Variants in PFKFB3 observed in about 807,000 individuals in gnomAD.
PFKFB3 encodes 6-phosphofructo-2-kinase/fructose-2,6-bisphosphatase 3.
In PFKFB3, 33 loss-of-function variants were observed where a neutral mutation model predicts 68.0. That is an observed-to-expected ratio of 0.49 (90% CI 0.37 to 0.65). PFKFB3 has a LOEUF of 0.65. PFKFB3 is among the 30% of genes least tolerant of loss of function. The probability of loss-of-function intolerance (pLI) is 0.00; values close to 1 mark genes in which losing one functional copy is unlikely to be tolerated. For synonymous variants in PFKFB3, 315 were observed against 288.2 expected, an observed-to-expected ratio of 1.09 and a Z score of -0.94; for missense variants, 586 against 712.2, an observed-to-expected ratio of 0.82 and a Z score of 2.02.
chr10:6,290,370 A>C, the PFKFB3 span, among the ~76,000 whole-genome samples: 3 of 151,928 alleles, frequency 2.0e-5, no homozygotes, highest in Admixed American at 2.0e-4. Flanking sequence ...TTATTTTGAG[A>C]TATGTCCCAT....
chr10:6,302,545 C>A, the PFKFB3 span, among the ~76,000 whole-genome samples: 3 of 148,984 alleles, frequency 2.0e-5, no homozygotes, highest in Non-Finnish European at 4.4e-5. Context: ...CCACACCCAG[C>A]TAATTTTTGT....
At chr10:6,277,266 C>T in the PFKFB3 span, among the ~76,000 whole-genome samples, 3 of 151,552 alleles carry the variant, frequency 2.0e-5, no homozygotes, top group South Asian at 6.2e-4. Context: ...CAGAGTATCG[C>T]TCTTTCACCC....
intron 1 of PFKFB3, among the ~76,000 whole-genome samples, chr10:6,208,148 C>T (rs571003365): frequency 6.6e-6 from 1 of 152,290 alleles, no homozygotes; most frequent in South Asian, 2.1e-4. Context: ...AATCACGTCT[C>T]ATTGAAGCCT....
In PFKFB3 at chr10:6,215,369, G is replaced by A. The variant is rs553991209; in HGVS notation, c.299+52G>A. ...TGGGCTGTGGGAATAAGGCTGGGCC[G>A]CGGGCATAAGGCTGGGCTGCAGGAG... On this transcript the variant is annotated intron_variant, in intron 3 of 14. Coordinates refer to ENST00000379775, the MANE Select transcript of PFKFB3 (RefSeq NM_004566.4). This position sits in a 1 kb window ranked among gnomAD's most constrained non-coding sequence, Gnocchi z 4.3. 38 of 1,391,360 alleles carry A rather than the reference G, an allele frequency of 2.7e-5. No individual in the cohort carries two copies. Among genetic ancestry groups the A allele is most frequent in the African/African-American group, 2.6e-4 (18 of 70,308 alleles). The allele number at this position is 1,391,360 out of a possible 1,614,324, so 86.2% of individuals were successfully genotyped here.
chr10:6,296,804 G>A, the PFKFB3 span, among the ~76,000 whole-genome samples: 1 of 152,148 alleles, frequency 6.6e-6, no homozygotes, highest in Non-Finnish European at 1.5e-5. Context: ...GTGGGCTTTG[G>A]CTGGCTTCTT....
At chr10:6,254,297 T>C (rs958389845) in exon 15 of PFKFB3, 1 of 398,562 alleles carries the variant, frequency 2.5e-6, no homozygotes, top group Non-Finnish European at 4.4e-6. Context: ...GACCCGGGGC[T>C]GCACCAAGCA....
At chr10:6,286,707 C>A in the PFKFB3 span, among the ~76,000 whole-genome samples, 1 of 152,186 alleles carries the variant, frequency 6.6e-6, no homozygotes, top group South Asian at 2.1e-4. Flanking sequence ...TGTATTTAGA[C>A]CATTCACATT....
intron 4 of PFKFB3, 49 bp downstream of exon 4, chr10:6,216,240 G>A: frequency 6.5e-7 from 1 of 1,549,310 alleles, no homozygotes; most frequent in Non-Finnish European, 8.9e-7. Context: ...CACCCATGAG[G>A]GTGTCCTCAC....
intron 14 of PFKFB3, among the ~76,000 whole-genome samples, chr10:6,230,055 G>C (rs971690474): frequency 3.3e-5 from 5 of 152,174 alleles, no homozygotes; most frequent in Non-Finnish European, 5.9e-5. Context: ...TGCCAGGAAA[G>C]AAATCTTTCT....
At chr10:6,291,388 C>CA in the PFKFB3 span, among the ~76,000 whole-genome samples, 14 of 151,958 alleles carry the variant, frequency 9.2e-5, no homozygotes, top group Non-Finnish European at 1.9e-4. Flanking sequence ...CCTGTCTCCA[C>CA]AAAAAATAAA....
chr10:6,227,357 G>A (rs781158419), intron 14 of PFKFB3, among the ~76,000 whole-genome samples: 1 of 152,170 alleles, frequency 6.6e-6, no homozygotes, highest in African/African-American at 2.4e-5. Flanking sequence ...TGCAGCTTCC[G>A]GTCAGGTTTG....
chr10:6,225,568 T>C (rs1463422850), intron 13 of PFKFB3, among the ~76,000 whole-genome samples: 1 of 152,218 alleles, frequency 6.6e-6, no homozygotes, highest in Non-Finnish European at 1.5e-5. Flanking sequence ...GTTCTGAGGC[T>C]GGAGGCCCAC....
At position 6,203,164 on chromosome 10, in the gene PFKFB3, C is replaced by T; in HGVS notation, c.-97C>T. ...CGCCCGGCCGCGCGCCGGCGCACGC[C>T]CCCCTCTCCTCCTTTGTTCCGGGGG... On this transcript the variant is annotated 5_prime_UTR_variant, in exon 1 of 15. Coordinates refer to ENST00000379775, the MANE Select transcript of PFKFB3 (RefSeq NM_004566.4). 6.6e-7 allele frequency: 1 copy of T among 1,525,156 alleles called. No homozygotes were observed. The highest frequency in any genetic ancestry group is 8.8e-7 in the Non-Finnish European group (1 of 1,138,274). The allele number at this position is 1,525,156 out of a possible 1,614,324, so 94.5% of individuals were successfully genotyped here.
At chr10:6,308,488 C>T in the PFKFB3 span, among the ~76,000 whole-genome samples, 2 of 152,150 alleles carry the variant, frequency 1.3e-5, no homozygotes, top group African/African-American at 2.4e-5. Flanking sequence ...TGCACTCCAG[C>T]CTGGGTGACA....
chr10:6,199,000 GTC>G (rs1843249035), upstream of PFKFB3, among the ~76,000 whole-genome samples: 1 of 152,206 alleles, frequency 6.6e-6, no homozygotes, highest in African/African-American at 2.4e-5. Flanking sequence ...GATAGTCTCA[GTC>G]TCTGTTCTCA....
intron 1 of PFKFB3, among the ~76,000 whole-genome samples, chr10:6,203,676 G>T (rs1337049835): frequency 1.3e-5 from 2 of 151,762 alleles, no homozygotes; most frequent in Non-Finnish European, 2.9e-5. Flanking sequence ...GGCCGTCGCC[G>T]GAGCGCAGCC....
At chr10:6,217,948 T>G (rs182612153) in intron 6 of PFKFB3, among the ~76,000 whole-genome samples, 70 of 152,338 alleles carry the variant, frequency 4.6e-4, no homozygotes, top group African/African-American at 1.6e-3. Flanking sequence ...TCTTTGCACC[T>G]TTAGAGGGGA....
the PFKFB3 span, among the ~76,000 whole-genome samples, chr10:6,323,893 A>G: frequency 6.6e-6 from 1 of 152,338 alleles, no homozygotes; most frequent in South Asian, 2.1e-4. Flanking sequence ...TGATTCCGCC[A>G]TTCTACTTCT....
chr10:6,219,837 A>G, intron 7 of PFKFB3, 144 bp downstream of exon 7: 1 of 744,166 alleles, frequency 1.3e-6, no homozygotes, highest in Admixed American at 2.8e-5. Context: ...AGGTCTCGCT[A>G]TGTTGCCCGG....
Sources: allele counts gnomAD v4.1 joint callset (sites outside exome capture counted in the v4.1 genomes callset), GRCh38; gene constraint gnomAD v4.1.1; non-coding constraint Gnocchi (gnomAD v3.1); transcripts MANE v1.5; gene names NCBI Gene and HGNC (gene_info 2026-07-23, HGNC 2026-07-21).